The following TXNDC8 variants were observed in gnomAD, a reference collection of about 807,000 sequenced individuals.
TXNDC8 encodes the protein thioredoxin domain containing 8.
TXNDC8 carries 15 observed loss-of-function variants against 12.9 expected under a neutral mutation model. The observed-to-expected ratio is 1.16, with a 90% CI of 0.78 to 1.79. The LOEUF is 1.79. TXNDC8 is among the 40% of genes most tolerant of loss of function. The pLI is 0.00. For missense variants in TXNDC8, 128 were observed against 113.2 expected (o/e 1.13, Z -0.59); for synonymous variants, 40 against 35.4 (o/e 1.13, Z -0.46).
intron 3 of TXNDC8, among the ~76,000 whole-genome samples, chr9:110,317,214 G>A (rs1838916235): frequency 6.6e-6 from 1 of 152,230 alleles, no homozygotes; most frequent in Non-Finnish European, 1.5e-5. Context: ...TACTGGAAGT[G>A]TAGGGTGAAA....
In TXNDC8 at chr9:110,334,208, G is replaced by C; in HGVS notation, c.129+8C>G. On this transcript the variant is annotated splice_region_variant and intron_variant, in intron 2 of 4. Transcript: ENST00000423740. Reference sequence around the variant, plus strand: ...TGAAACTATGAGATATATACTGGTTGTACTCACATGGAAAACAGGAAACAT... The same window carrying C: ...TGAAACTATGAGATATATACTGGTTCTACTCACATGGAAAACAGGAAACAT... The C allele has an allele frequency of 6.3e-7, 1 of 1,599,394 alleles. No individual in the cohort carries two copies.
chr9:110,315,728 G>T (rs572446228), intron 3 of TXNDC8, among the ~76,000 whole-genome samples: 3 of 149,200 alleles, frequency 2.0e-5, no homozygotes, highest in African/African-American at 7.4e-5. Context: ...GTTCAGGCTG[G>T]TCTTGATCTC....
intron 3 of TXNDC8, among the ~76,000 whole-genome samples, chr9:110,304,783 A>G (rs1838365733): frequency 6.6e-6 from 1 of 152,212 alleles, no homozygotes; most frequent in Non-Finnish European, 1.5e-5. Context: ...AAACATAGGC[A>G]AGGCTTGGCT....
intron 3 of TXNDC8, among the ~76,000 whole-genome samples, chr9:110,319,854 T>C (rs1282342698): frequency 6.6e-6 from 1 of 152,216 alleles, no homozygotes; most frequent in African/African-American, 2.4e-5. Context: ...CTGTACCTAC[T>C]TGAAGGAGCA....
At chr9:110,317,871 A>G (rs1165632595) in intron 3 of TXNDC8, among the ~76,000 whole-genome samples, 2 of 151,920 alleles carry the variant, frequency 1.3e-5, no homozygotes, top group Admixed American at 1.3e-4. Context: ...ACCCTTCACC[A>G]CCCCCTAGAA....
At chr9:110,324,638 C>T (rs1839234345) in intron 3 of TXNDC8, among the ~76,000 whole-genome samples, 1 of 152,080 alleles carries the variant, frequency 6.6e-6, no homozygotes, top group Non-Finnish European at 1.5e-5. Flanking sequence ...AGATATAGTG[C>T]TACAAATATT....
intron 1 of TXNDC8, among the ~76,000 whole-genome samples, chr9:110,334,997 A>T (rs1264798424): frequency 1.3e-5 from 2 of 152,162 alleles, no homozygotes; most frequent in African/African-American, 4.8e-5. Flanking sequence ...TGTTTGTATC[A>T]TCTAAGTAAA....
chr9:110,319,048 C>G (rs929655690), intron 3 of TXNDC8, among the ~76,000 whole-genome samples: 2 of 152,186 alleles, frequency 1.3e-5, no homozygotes, highest in Admixed American at 1.3e-4. Flanking sequence ...ACTTTGCCCA[C>G]TTTTGTTCCA....
At chr9:110,311,547 A>ATATATC in intron 3 of TXNDC8, among the ~76,000 whole-genome samples, 1 of 129,278 alleles carries the variant, frequency 7.7e-6, no homozygotes, top group South Asian at 2.5e-4. Context: ...ATATATATAT[A>ATATATC]TATATATATA....
intron 2 of TXNDC8, among the ~76,000 whole-genome samples, chr9:110,327,788 G>T (rs1474945841): frequency 2.6e-5 from 4 of 152,286 alleles, no homozygotes; most frequent in Non-Finnish European, 1.5e-5. Flanking sequence ...GGATTGGGGG[G>T]TGGAGGATGG....
chr9:110,322,232 C>T (rs1239893235), intron 3 of TXNDC8, among the ~76,000 whole-genome samples: 1 of 151,034 alleles, frequency 6.6e-6, no homozygotes, highest in Admixed American at 6.6e-5. Context: ...TACTAATATT[C>T]AATGATAAAT....
At chr9:110,303,206 A>T (rs982930499), downstream of TXNDC8, among the ~76,000 whole-genome samples, 3 of 152,222 alleles carry the variant, frequency 2.0e-5, no homozygotes, top group Non-Finnish European at 4.4e-5. Flanking sequence ...GATCTTTGCT[A>T]ATCTCTGGAA....
In TXNDC8 at chr9:110,305,009, G is replaced by A. The variant is rs145297800; in HGVS notation, c.196-477C>T. 3.9e-3 allele frequency among the ~76,000 whole-genome samples: 595 copies of A among 151,980 alleles called. 7 individuals carry two copies. Among genetic ancestry groups the A allele is most frequent in the African/African-American group, 0.014 (571 of 41,422 alleles). Reference sequence around the variant, plus strand: ...CCAAAAATACAAAAATTAGCCAGGCGTGGTGGTGTGCACCTGTAATTCCAG... The same window carrying A: ...CCAAAAATACAAAAATTAGCCAGGCATGGTGGTGTGCACCTGTAATTCCAG... On this transcript the variant is annotated intron_variant, in intron 3 of 4. Coordinates refer to ENST00000423740, the MANE Select transcript of TXNDC8 (RefSeq NM_001286946.2).
At chr9:110,306,375 G>A (rs905958245) in intron 3 of TXNDC8, among the ~76,000 whole-genome samples, 20 of 152,174 alleles carry the variant, frequency 1.3e-4, no homozygotes, top group Middle Eastern at 6.8e-3. Flanking sequence ...TGTCTCTTTC[G>A]GTCTCCAGTC....
chr9:110,328,780 T>G (rs1475196188), intron 2 of TXNDC8, among the ~76,000 whole-genome samples: 1 of 152,234 alleles, frequency 6.6e-6, no homozygotes, highest in Non-Finnish European at 1.5e-5. Flanking sequence ...CACTCCAGCC[T>G]GGGTAACAAG....
intron 1 of TXNDC8, among the ~76,000 whole-genome samples, chr9:110,335,074 G>A (rs1839692429): frequency 6.6e-6 from 1 of 152,016 alleles, no homozygotes; most frequent in Admixed American, 6.5e-5. Flanking sequence ...ACAAGTGACT[G>A]GTCCTACACT....
At chr9:110,332,676 T>A (rs755610605) in intron 2 of TXNDC8, among the ~76,000 whole-genome samples, 3 of 152,194 alleles carry the variant, frequency 2.0e-5, no homozygotes, top group African/African-American at 7.2e-5. Context: ...TGAGATTCTT[T>A]CTGCTGTATG....
intron 4 of TXNDC8, 107 bp downstream of exon 5, chr9:110,304,360 G>C (rs1043550067): frequency 2.7e-5 from 27 of 995,862 alleles, no homozygotes; most frequent in Non-Finnish European, 3.6e-5. Context: ...CACACCAAAG[G>C]CTTCTGCTTC....
chr9:110,331,882 C>A (rs370771632), intron 2 of TXNDC8, among the ~76,000 whole-genome samples: 107 of 152,276 alleles, frequency 7.0e-4, no homozygotes, highest in African/African-American at 2.4e-3. Context: ...ATAGGCCATG[C>A]ACCTGTGGAG....
Sources: gnomAD v4.1 joint callset for allele counts (sites outside exome capture counted in the v4.1 genomes callset) on GRCh38, gnomAD v4.1.1 for gene constraint, MANE v1.5 for transcripts, NCBI Gene and HGNC (gene_info 2026-07-23, HGNC 2026-07-21) for gene names.